MTHFD2: variants seen among roughly 807,000 people sequenced by gnomAD.
MTHFD2 encodes the protein methylenetetrahydrofolate dehydrogenase (NADP+ dependent) 2, methenyltetrahydrofolate cyclohydrolase, also known as bifunctional methylenetetrahydrofolate dehydrogenase/cyclohydrolase, mitochondrial.
Under a neutral mutation model 36.8 loss-of-function variants are expected in MTHFD2, and 26 were observed. The observed-to-expected ratio is 0.71, with a 90% CI of 0.52 to 0.98. The LOEUF (loss-of-function observed/expected upper bound fraction) is 0.98. MTHFD2 is among the 50% of genes least tolerant of loss of function. MTHFD2 has a pLI of 0.00. For synonymous variants in MTHFD2, 164 were observed against 155.2 expected (o/e 1.06, Z -0.42); for missense variants, 373 against 434.0 (o/e 0.86, Z 1.25).
chr2:74,207,902 C>T, intron 3 of MTHFD2, 76 bp downstream of exon 3: 2 of 1,404,332 alleles, frequency 1.4e-6, no homozygotes, highest in Non-Finnish European at 2.0e-6. Context: ...CTCTCTCCCT[C>T]CCCATCCCCC....
intron 2 of MTHFD2, 94 bp from the exon 3 acceptor site, chr2:74,207,610 C>T (rs1219947392): frequency 4.8e-6 from 6 of 1,244,992 alleles, no homozygotes; most frequent in Non-Finnish European, 6.7e-6. Flanking sequence ...TGTGATGATA[C>T]AAAACCCGTA....
intron 1 of MTHFD2, among the ~76,000 whole-genome samples, chr2:74,204,105 G>C (rs964339484): frequency 3.3e-5 from 5 of 151,952 alleles, no homozygotes; most frequent in Admixed American, 6.6e-5. Flanking sequence ...GCAGAGACGG[G>C]GTTTTGCCAT....
intron 2 of MTHFD2, 145 bp from the exon 3 acceptor site, chr2:74,207,558 CT>C: frequency 4.5e-6 from 3 of 664,076 alleles, no homozygotes; most frequent in Admixed American, 3.0e-5. Flanking sequence ...TGTGAAGTTA[CT>C]TTTTTAGGTT....
chr2:74,206,100 C>T (rs969539623), intron 2 of MTHFD2: 1 of 439,630 alleles, frequency 2.3e-6, no homozygotes. Context: ...TTGGTATTCT[C>T]TGTGGCTTCT....
chr2:74,208,599 C>G lies in MTHFD2; in HGVS notation c.440C>G (p.Ala147Gly), dbSNP rs768523630. The change falls in exon 4 of 8, where the codon GCT (alanine) becomes GGT (glycine). Residue 147 changes from alanine to glycine, a missense_variant. Coordinates refer to ENST00000394053, the MANE Select transcript of MTHFD2 (RefSeq NM_006636.4). Reference protein sequence around the residue: ...EHIDERRICNAVSPDKDVDGF... With the variant: ...EHIDERRICNGVSPDKDVDGF... Reference sequence around the variant, plus strand: ...ATTGATGAGAGAAGGATCTGCAATGCTGTTTCTCCAGACAAGGATGTTGAT... The same window carrying G: ...ATTGATGAGAGAAGGATCTGCAATGGTGTTTCTCCAGACAAGGATGTTGAT... The G allele has an allele frequency of 1.9e-6, 3 of 1,614,050 alleles. No homozygotes were observed. The highest frequency in any genetic ancestry group is 3.3e-5 in the Admixed American group (2 of 59,992).
Position 74,208,549 on chromosome 2 carries a change from T to C in MTHFD2, c.410-20T>C, listed in dbSNP as rs1694235006. ...CTATGCGGTGGTGATTTAAGGCAACTGTGCCAATTTCTTTTTCAGAGCATA... is the reference window on the plus strand; with the variant it reads ...CTATGCGGTGGTGATTTAAGGCAACCGTGCCAATTTCTTTTTCAGAGCATA... On this transcript the variant is annotated intron_variant, in intron 3 of 7. Coordinates refer to ENST00000394053, the MANE Select transcript of MTHFD2 (RefSeq NM_006636.4). 6.2e-7 allele frequency: 1 copy of C among 1,612,230 alleles called. No homozygotes were observed. The highest frequency in any genetic ancestry group is 8.5e-7 in the Non-Finnish European group (1 of 1,178,708).
rs1694401380 is a variant in MTHFD2 at position 74,214,996 on chromosome 2, C to CT, written c.*757dup. The CT allele has an allele frequency of 6.6e-6, 1 of 152,586 alleles. No homozygotes were observed. Among genetic ancestry groups the CT allele is most frequent in the Admixed American group, 6.6e-5 (1 of 15,264 alleles). 9.5% of individuals were successfully genotyped at this position (152,586 alleles called of 1,614,324 possible). On this transcript the variant is annotated 3_prime_UTR_variant, in exon 8 of 8. Transcript: ENST00000394053. ...TGTCATATTTGGCTTTTGCTATATA[C>CT]TTTAACTTCATTGTTAAATTTTTGT...
At chr2:74,204,057 G>T (rs1694121130) in intron 1 of MTHFD2, among the ~76,000 whole-genome samples, 1 of 151,920 alleles carries the variant, frequency 6.6e-6, no homozygotes, top group Non-Finnish European at 1.5e-5. Context: ...GGGATTATAG[G>T]CGCGCACCAC....
chr2:74,202,516 ATTTTTTT>A (rs111445397), intron 1 of MTHFD2, among the ~76,000 whole-genome samples: 1 of 146,130 alleles, frequency 6.8e-6, no homozygotes, highest in Non-Finnish European at 1.5e-5. Context: ...CCCTATTTTA[ATTTTTTT>A]TTTTTGAGAT....
At chr2:74,213,270 CTTTTT>C (rs10638050) in intron 7 of MTHFD2, among the ~76,000 whole-genome samples, 26 of 76,026 alleles carry the variant, frequency 3.4e-4, no homozygotes, top group African/African-American at 1.0e-3. Context: ...TTTTTCTTTC[CTTTTT>C]TTTTTTTTTT....
In MTHFD2 at chr2:74,199,037, G is replaced by T. The variant is rs540523854; in HGVS notation, c.101+295G>T. 3.5e-3 allele frequency among the ~76,000 whole-genome samples: 533 copies of T among 152,358 alleles called. 5 individuals carry two copies. The highest frequency in any genetic ancestry group is 4.7e-3 in the Non-Finnish European group (321 of 68,034). On this transcript the variant is annotated intron_variant, in intron 1 of 7. Transcript: ENST00000394053. ...CCGTGGCCAGTCGGCGGGCGGGACGGGGGTGGCGTGCGGAACGCGAAGGCA... is the reference window on the plus strand; with the variant it reads ...CCGTGGCCAGTCGGCGGGCGGGACGTGGGTGGCGTGCGGAACGCGAAGGCA...
intron 4 of MTHFD2, 131 bp downstream of exon 4, chr2:74,208,852 A>G: frequency 1.1e-6 from 1 of 920,572 alleles, no homozygotes; most frequent in Non-Finnish European, 1.6e-6. Flanking sequence ...CCCAAAGTTT[A>G]CCTCTCTTAA....
At chr2:74,202,320 G>C (rs1036344209) in intron 1 of MTHFD2, among the ~76,000 whole-genome samples, 4 of 151,956 alleles carry the variant, frequency 2.6e-5, no homozygotes, top group Admixed American at 2.6e-4. Flanking sequence ...ATATATGCCT[G>C]GCACATTATA....
rs771351220 is a variant in MTHFD2, at chr2:74,217,259, G to GT, written c.*3018dup. On this transcript the variant is annotated 3_prime_UTR_variant, in exon 8 of 8. Transcript: ENST00000394053. The stretch of plus-strand genomic sequence containing the variant: ...TTAAATCATAGTTGTTTTGGAGAAA[G>GT]TAAGTGTCAGATGCACTGTGGCTGT... 9.8e-5 allele frequency: 15 copies of GT among 152,332 alleles called. No homozygotes were observed. In the East Asian group the frequency reaches 2.3e-3, roughly 23 times the overall value. The allele number at this position is 152,332 out of a possible 1,614,324, so 9.4% of individuals were successfully genotyped here.
chr2:74,208,900 G>T (rs936907109), intron 4 of MTHFD2, among the ~76,000 whole-genome samples, 179 bp downstream of exon 4: 1 of 151,840 alleles, frequency 6.6e-6, no homozygotes, highest in Non-Finnish European at 1.5e-5. Context: ...TTGAGACAGG[G>T]TCTTGCTCTG....
intron 1 of MTHFD2, among the ~76,000 whole-genome samples, chr2:74,203,843 CTAGTTTAGTT>C (rs1171944961): frequency 0.078 from 6,290 of 80,296 alleles, 205 homozygotes; most frequent in Middle Eastern, 0.092. Context: ...AGATGCTCAT[CTAGTTTAGTT>C]TAGTTTAGTT....
intron 1 of MTHFD2, among the ~76,000 whole-genome samples, chr2:74,202,373 G>A (rs1436866806): frequency 2.0e-5 from 3 of 152,040 alleles, no homozygotes; most frequent in Non-Finnish European, 2.9e-5. Context: ...GTTCTAAGCC[G>A]TTTTAAAGTA....
chr2:74,208,489 T>C, intron 3 of MTHFD2, 80 bp from the exon 4 acceptor site: 2 of 1,477,158 alleles, frequency 1.4e-6, no homozygotes, highest in South Asian at 1.3e-5. Flanking sequence ...TAGATTTCCT[T>C]GCGAAGCAGA....
chr2:74,200,010 T>C (rs1489439791), intron 1 of MTHFD2, among the ~76,000 whole-genome samples: 1 of 152,230 alleles, frequency 6.6e-6, no homozygotes, highest in Non-Finnish European at 1.5e-5. Flanking sequence ...GAGCTCATGT[T>C]CCTGACAAGG....
Sources: gnomAD v4.1 joint callset for allele counts (sites outside exome capture counted in the v4.1 genomes callset) on GRCh38, gnomAD v4.1.1 for gene constraint, MANE v1.5 for transcripts, NCBI Gene and HGNC (gene_info 2026-07-23, HGNC 2026-07-21) for gene names.